The following AIG1 variants were observed in gnomAD, a reference collection of about 807,000 sequenced individuals.
AIG1 encodes the protein androgen induced 1, also known as androgen-induced gene 1 protein.
In AIG1, 23 loss-of-function variants were observed where a neutral mutation model predicts 31.4. That is an observed-to-expected ratio of 0.73 (90% CI 0.53 to 1.04). The LOEUF is 1.04. Among genes scored for constraint, AIG1 ranks in the 50% least tolerant of loss-of-function variants. The probability of loss-of-function intolerance (pLI) is 0.00; values close to 1 mark genes in which losing one functional copy is unlikely to be tolerated. For synonymous variants in AIG1, 100 were observed against 110.5 expected, an observed-to-expected ratio of 0.90 and a Z score of 0.60; for missense variants, 274 against 295.0, an observed-to-expected ratio of 0.93 and a Z score of 0.52.
intron 4 of AIG1, among the ~76,000 whole-genome samples, chr6:143,296,571 C>A (rs563970039): frequency 6.6e-6 from 1 of 152,112 alleles, no homozygotes; most frequent in South Asian, 2.1e-4. Context: ...GGAAACCAGT[C>A]CCCAGGCATT....
intron 3 of AIG1, among the ~76,000 whole-genome samples, chr6:143,243,993 G>A (rs1794441385): frequency 6.6e-6 from 1 of 152,154 alleles, no homozygotes; most frequent in Non-Finnish European, 1.5e-5. Flanking sequence ...ATGACAGCTG[G>A]GTCATGAGTT....
intron 3 of AIG1, among the ~76,000 whole-genome samples, chr6:143,170,175 T>C (rs12665373): frequency 0.24 from 36,587 of 152,112 alleles, 5,439 homozygotes; most frequent in East Asian, 0.76. Flanking sequence ...TTAGTTCTTC[T>C]TTGTAAGTTT....
chr6:143,097,285 A>G (rs907195233), intron 1 of AIG1, among the ~76,000 whole-genome samples: 7 of 152,064 alleles, frequency 4.6e-5, no homozygotes, highest in Non-Finnish European at 7.4e-5. Flanking sequence ...CAAAAAATTT[A>G]GACCTTATCA....
intron 1 of AIG1, 61 bp downstream of exon 1, chr6:143,061,127 T>C (rs921678760): frequency 1.2e-4 from 186 of 1,501,190 alleles, no homozygotes; most frequent in Non-Finnish European, 1.5e-4. Flanking sequence ...CGTGTGTGTG[T>C]GTGTGTGTGT....
Position 143,268,366 on chromosome 6 carries a change from T to A in AIG1, c.400-15744T>A, listed in dbSNP as rs150376235. Among the ~76,000 whole-genome samples, 3 of 152,192 alleles carry A rather than the reference T, an allele frequency of 2.0e-5. No homozygotes were observed. Among genetic ancestry groups the A allele is most frequent in the Middle Eastern group, 3.4e-3 (1 of 294 alleles). On this transcript the variant is annotated intron_variant, in intron 3 of 5. Coordinates refer to ENST00000357847, the MANE Select transcript of AIG1 (RefSeq NM_016108.4). This position sits in a 1 kb window ranked among gnomAD's most constrained non-coding sequence, Gnocchi z 5.0. Reference sequence around the variant, plus strand: ...GCCTCGAGTCTACGGGGACCACAACTAGATGGTCTAACGTGTGCCTTATTC... The same window carrying A: ...GCCTCGAGTCTACGGGGACCACAACAAGATGGTCTAACGTGTGCCTTATTC...
chr6:143,333,463 G>C lies in AIG1; in HGVS notation c.679+18G>C, dbSNP rs377146891. On this transcript the variant is annotated intron_variant, in intron 5 of 5. Coordinates refer to ENST00000357847, the MANE Select transcript of AIG1 (RefSeq NM_016108.4). This position sits in a 1 kb window ranked among gnomAD's most constrained non-coding sequence, Gnocchi z 4.6. ...ACAGAAAAGTAAGTATTGTCTGAGG[G>C]AACATAAAACAAGAGAATTACTGCC... The C allele has an allele frequency of 6.2e-7, 1 of 1,609,170 alleles. No homozygotes were observed. Among genetic ancestry groups the C allele is most frequent in the African/African-American group, 1.3e-5 (1 of 74,584 alleles).
downstream of AIG1, chr6:143,342,737 G>A: frequency 2.3e-6 from 2 of 882,354 alleles, no homozygotes; most frequent in South Asian, 1.3e-5. Flanking sequence ...TAACCTAAGT[G>A]ATGGCCAGCG....
In AIG1 at chr6:143,296,857, A is replaced by C. The variant is rs143111751; in HGVS notation, c.515+12632A>C. ...AAGCAACTGGCTTATTGTTATTGTAATATTTTAATTCTCCAATATTCTGAA... is the reference window on the plus strand; with the variant it reads ...AAGCAACTGGCTTATTGTTATTGTACTATTTTAATTCTCCAATATTCTGAA... On this transcript the variant is annotated intron_variant, in intron 4 of 5. Transcript: ENST00000357847. 3.1e-3 allele frequency among the ~76,000 whole-genome samples: 474 copies of C among 152,316 alleles called. 3 individuals are homozygous for C. The highest frequency in any genetic ancestry group is 0.011 in the African/African-American group (459 of 41,564).
At chr6:143,204,149 C>G (rs1372010555) in intron 3 of AIG1, among the ~76,000 whole-genome samples, 1 of 152,142 alleles carries the variant, frequency 6.6e-6, no homozygotes, top group Non-Finnish European at 1.5e-5. Flanking sequence ...TGTACTTCCT[C>G]AAAACTTACT....
In AIG1 at chr6:143,268,095, T is replaced by C. The variant is rs938740707; in HGVS notation, c.400-16015T>C. 1.3e-5 allele frequency among the ~76,000 whole-genome samples: 2 copies of C among 152,200 alleles called. No individual in the cohort carries two copies. The highest frequency in any genetic ancestry group is 2.9e-5 in the Non-Finnish European group (2 of 68,040). On this transcript the variant is annotated intron_variant, in intron 3 of 5. Coordinates refer to ENST00000357847, the MANE Select transcript of AIG1 (RefSeq NM_016108.4). This position sits in a 1 kb window ranked among gnomAD's most constrained non-coding sequence, Gnocchi z 5.0. The stretch of plus-strand genomic sequence containing the variant: ...CAAAATATATATCCATGATGAATTA[T>C]AATAAAAATAGGGAGGATTATGACT...
intron 2 of AIG1, among the ~76,000 whole-genome samples, chr6:143,164,351 C>T (rs1332078004): frequency 1.3e-5 from 2 of 152,122 alleles, no homozygotes; most frequent in Non-Finnish European, 2.9e-5. Flanking sequence ...TCTTTTCTCA[C>T]TATTATTTGG....
chr6:143,158,806 G>A (rs1356143843), intron 2 of AIG1, among the ~76,000 whole-genome samples: 1 of 152,228 alleles, frequency 6.6e-6, no homozygotes, highest in African/African-American at 2.4e-5. Context: ...GAGTAAAAAG[G>A]TACTTGCTCC....
chr6:143,274,733 C>T (rs1796773474), intron 3 of AIG1, among the ~76,000 whole-genome samples: 1 of 152,158 alleles, frequency 6.6e-6, no homozygotes. Context: ...AGTAAAAGAG[C>T]ATGTTTTAGA....
chr6:143,059,805 T>C (rs141792365), upstream of AIG1, among the ~76,000 whole-genome samples: 423 of 152,310 alleles, frequency 2.8e-3, 1 homozygote, highest in African/African-American at 9.9e-3. Context: ...CCACAGGAAA[T>C]ACCTATGTTG....
intron 4 of AIG1, among the ~76,000 whole-genome samples, chr6:143,320,772 G>A (rs1459025857): frequency 7.9e-5 from 12 of 151,870 alleles, no homozygotes; most frequent in African/African-American, 1.2e-4. Context: ...CATAAAAGCC[G>A]TAATTAACAA....
chr6:143,136,706 C>A, intron 1 of AIG1, 129 bp from the exon 2 acceptor site: 3 of 869,518 alleles, frequency 3.5e-6, no homozygotes, highest in Non-Finnish European at 4.8e-6. Flanking sequence ...TTTCTAGGAG[C>A]AGCTCTTTAA....
intron 3 of AIG1, among the ~76,000 whole-genome samples, chr6:143,242,708 G>A (rs6570553): frequency 0.11 from 16,260 of 152,194 alleles, 2,403 homozygotes; most frequent in African/African-American, 0.33. Context: ...CAGAAAGATG[G>A]CACCTACAGA....
At chr6:143,251,456 A>G (rs984458182) in intron 3 of AIG1, among the ~76,000 whole-genome samples, 5 of 152,172 alleles carry the variant, frequency 3.3e-5, no homozygotes, top group Non-Finnish European at 7.4e-5. Context: ...CAGAGCTCTT[A>G]TCTTGAAAAC....
intron 3 of AIG1, among the ~76,000 whole-genome samples, chr6:143,232,436 C>T (rs1331298002): frequency 1.3e-5 from 2 of 152,176 alleles, no homozygotes; most frequent in Non-Finnish European, 2.9e-5. Context: ...CCATGGTGCA[C>T]AGGCAGTACA....
Sources: allele counts gnomAD v4.1 joint callset (sites outside exome capture counted in the v4.1 genomes callset), GRCh38; gene constraint gnomAD v4.1.1; non-coding constraint Gnocchi (gnomAD v3.1); transcripts MANE v1.5; gene names NCBI Gene and HGNC (gene_info 2026-07-23, HGNC 2026-07-21).